Variants in JAZF1 observed in about 807,000 individuals in gnomAD.
JAZF1 encodes the protein juxtaposed with another zinc finger protein 1.
In JAZF1, 8 loss-of-function variants were observed where a neutral mutation model predicts 26.4. The observed-to-expected ratio is 0.30, with a 90% CI of 0.18 to 0.55. The LOEUF is 0.55. Among genes scored for constraint, JAZF1 ranks in the 20% least tolerant of loss-of-function variants. The probability of loss-of-function intolerance (pLI) is 0.94; values close to 1 mark genes in which losing one functional copy is unlikely to be tolerated. For synonymous variants in JAZF1, 126 were observed against 122.3 expected, an observed-to-expected ratio of 1.03 and a Z score of -0.20; for missense variants, 199 against 322.0, an observed-to-expected ratio of 0.62 and a Z score of 2.92.
chr7:27,853,502 C>T (rs1351775859), intron 3 of JAZF1, among the ~76,000 whole-genome samples: 1 of 152,168 alleles, frequency 6.6e-6, no homozygotes, highest in African/African-American at 2.4e-5. Context: ...TGGTTCTTGC[C>T]TTGTGCCCTG....
At chr7:27,921,500 C>G (rs1376874946) in intron 2 of JAZF1, among the ~76,000 whole-genome samples, 1 of 152,116 alleles carries the variant, frequency 6.6e-6, no homozygotes, top group African/African-American at 2.4e-5. Flanking sequence ...TAAATCAGAT[C>G]TCATTAAGAA....
At chr7:28,062,267 G>A (rs1481220261) in intron 1 of JAZF1, among the ~76,000 whole-genome samples, 1 of 152,094 alleles carries the variant, frequency 6.6e-6, no homozygotes, top group Non-Finnish European at 1.5e-5. Context: ...AAGATTGAGT[G>A]AGCTCAATAT....
chr7:27,851,114 T>C (rs1386227278), intron 3 of JAZF1, among the ~76,000 whole-genome samples: 1 of 152,184 alleles, frequency 6.6e-6, no homozygotes, highest in African/African-American at 2.4e-5. Context: ...GGCTAGTTTT[T>C]GTATTTTTAG....
intron 3 of JAZF1, among the ~76,000 whole-genome samples, chr7:27,850,755 A>G (rs571005036): frequency 6.6e-5 from 10 of 151,292 alleles, no homozygotes; most frequent in Admixed American, 6.6e-5. Flanking sequence ...GGGCCTCATC[A>G]TGACCTTTTT....
chr7:27,898,763 CA>C (rs1784116489), intron 2 of JAZF1, among the ~76,000 whole-genome samples: 1 of 152,146 alleles, frequency 6.6e-6, no homozygotes, highest in African/African-American at 2.4e-5. Context: ...GAAGCAAGAA[CA>C]AGGCACCCAT....
intron 2 of JAZF1, among the ~76,000 whole-genome samples, chr7:27,910,668 C>A (rs1351532789): frequency 2.6e-5 from 4 of 152,196 alleles, no homozygotes; most frequent in Non-Finnish European, 5.9e-5. Flanking sequence ...TAATGGATTG[C>A]AGCCGGGATA....
rs113060953 is a variant in JAZF1 at position 28,050,453 on chromosome 7, T to C, written c.116-58472A>G. Among the ~76,000 whole-genome samples the C allele has an allele frequency of 5.3e-5, 8 of 152,284 alleles. No homozygotes were observed. In the South Asian group the frequency reaches 6.2e-4, roughly 12 times the overall value. On this transcript the variant is annotated intron_variant, in intron 1 of 4. Coordinates refer to ENST00000283928, the MANE Select transcript of JAZF1 (RefSeq NM_175061.4). ...ACTCTGTGAATAGAAAACCCCTGAA[T>C]TGTACACTTTAATAGGGTCTATTTT...
Position 27,958,883 on chromosome 7 carries a change from G to T in JAZF1, c.188+33026C>A, listed in dbSNP as rs375713116. 2.3e-4 allele frequency among the ~76,000 whole-genome samples: 35 copies of T among 152,244 alleles called. 1 individual carries two copies. In the East Asian group the frequency reaches 6.4e-3, roughly 28 times the overall value. On this transcript the variant is annotated intron_variant, in intron 2 of 4. Coordinates refer to ENST00000283928, the MANE Select transcript of JAZF1 (RefSeq NM_175061.4). ...AGGAGACAAGCAGGGAAGGAGCTGG[G>T]ATGTGACCTGCTAATAGAAATTAGA... is the stretch of plus-strand genomic sequence containing the variant.
At chr7:27,967,765 A>G (rs898839176) in intron 2 of JAZF1, among the ~76,000 whole-genome samples, 2 of 152,236 alleles carry the variant, frequency 1.3e-5, no homozygotes, top group Non-Finnish European at 2.9e-5. Context: ...TGCTCTATAT[A>G]CCACTATACA....
chr7:28,029,402 C>T (rs1406662770), intron 1 of JAZF1, among the ~76,000 whole-genome samples: 1 of 152,188 alleles, frequency 6.6e-6, no homozygotes, highest in Non-Finnish European at 1.5e-5. Context: ...TAAGGAATTG[C>T]TAACAGATGA....
chr7:27,879,069 A>T (rs1208927629), intron 3 of JAZF1, among the ~76,000 whole-genome samples: 1 of 152,236 alleles, frequency 6.6e-6, no homozygotes, highest in African/African-American at 2.4e-5. Context: ...ATCTTAACAC[A>T]GAACTCTCAG....
At chr7:28,142,474 C>T (rs540295005) in intron 1 of JAZF1, among the ~76,000 whole-genome samples, 1 of 152,292 alleles carries the variant, frequency 6.6e-6, no homozygotes, top group Admixed American at 6.5e-5. Flanking sequence ...GGAGCACTGA[C>T]CACCAGGAGT....
chr7:27,998,073 G>GGAAA (rs1786058294), intron 1 of JAZF1, among the ~76,000 whole-genome samples: 1 of 147,918 alleles, frequency 6.8e-6, no homozygotes, highest in Non-Finnish European at 1.5e-5. Flanking sequence ...AAGGAAGGAA[G>GGAAA]GCAGGCAGGC....
intron 1 of JAZF1, among the ~76,000 whole-genome samples, chr7:28,055,321 C>T (rs1015768665): frequency 5.3e-5 from 8 of 152,096 alleles, no homozygotes; most frequent in African/African-American, 7.2e-5. Context: ...TGGCTCTCCA[C>T]GGTTTATCAC....
chr7:28,022,179 T>A lies in JAZF1; in HGVS notation c.116-30198A>T, dbSNP rs1202725753. ...AGATAAATCAGACAGCATTGAACAA[T>A]ATCGTCACAACAATATTTTCTAAGA... On this transcript the variant is annotated intron_variant, in intron 1 of 4. Transcript: ENST00000283928. 3.9e-5 allele frequency among the ~76,000 whole-genome samples: 6 copies of A among 152,350 alleles called. No homozygotes were observed. In the East Asian group the frequency reaches 1.2e-3, roughly 29 times the overall value.
At position 28,110,328 on chromosome 7, in the gene JAZF1, C is replaced by T. The variant is rs576897538; in HGVS notation, c.115+70135G>A. ...GTAATCTCAGTTACTTGGGAGGCTG[C>T]GGGAGGAGAATCACTTGAACCTGGG... On this transcript the variant is annotated intron_variant, in intron 1 of 4. Transcript: ENST00000283928. Among the ~76,000 whole-genome samples, 16 of 150,882 alleles carry T rather than the reference C, an allele frequency of 1.1e-4. No homozygotes were observed. The East Asian group carries it at 1.6e-3, about 15-fold the overall frequency.
In JAZF1 at chr7:27,897,699, G is replaced by A. The variant is rs1158367387; in HGVS notation, c.189-2283C>T. ...GCATGGCCCTTGCACAGAATGGGGA[G>A]CTATGCCCAGAGCGTGTTTCAAGAG... On this transcript the variant is annotated intron_variant, in intron 2 of 4. Transcript: ENST00000283928. Among the ~76,000 whole-genome samples the A allele has an allele frequency of 3.3e-5, 5 of 152,368 alleles. No homozygotes were observed. The East Asian group carries it at 9.6e-4, about 29-fold the overall frequency.
intron 2 of JAZF1, among the ~76,000 whole-genome samples, chr7:27,907,738 G>A (rs1458205641): frequency 6.6e-6 from 1 of 152,194 alleles, no homozygotes; most frequent in African/African-American, 2.4e-5. Flanking sequence ...CTCAATGTGA[G>A]AGGAGGTCTC....
chr7:28,133,054 C>T (rs1782822103), intron 1 of JAZF1, among the ~76,000 whole-genome samples: 1 of 152,146 alleles, frequency 6.6e-6, no homozygotes, highest in Non-Finnish European at 1.5e-5. Context: ...GCTGGCTCAC[C>T]TCTTCCCAAA....
Sources: gnomAD v4.1 joint callset for allele counts (sites outside exome capture counted in the v4.1 genomes callset) on GRCh38, gnomAD v4.1.1 for gene constraint, MANE v1.5 for transcripts, NCBI Gene and HGNC (gene_info 2026-07-23, HGNC 2026-07-21) for gene names.